Variants in CHLSN observed in about 807,000 individuals in gnomAD.
CHLSN encodes the protein protein cholesin.
the CHLSN span, chr7:1,026,239 CGTTT>C: frequency 6.6e-6 from 1 of 152,252 alleles, no homozygotes; most frequent in African/African-American, 2.4e-5. Context: ...CGACACTCCT[CGTTT>C]CTTTCGCTAC....
At chr7:1,072,028 G>C in the CHLSN span, among the ~76,000 whole-genome samples, 7 of 152,220 alleles carry the variant, frequency 4.6e-5, no homozygotes, top group Admixed American at 4.6e-4. Flanking sequence ...CCACACAGGG[G>C]AAGAGCGGGG....
At chr7:1,015,076 A>C in the CHLSN span, among the ~76,000 whole-genome samples, 1 of 152,170 alleles carries the variant, frequency 6.6e-6, no homozygotes, top group Non-Finnish European at 1.5e-5. Flanking sequence ...AACAGCCCAA[A>C]AGGACAGTGA....
At chr7:1,057,234 G>A in the CHLSN span, among the ~76,000 whole-genome samples, 2 of 152,114 alleles carry the variant, frequency 1.3e-5, no homozygotes, top group African/African-American at 4.8e-5. Flanking sequence ...CTGAGAATGT[G>A]GGGCACACCA....
the CHLSN span, chr7:1,043,941 C>G: frequency 6.6e-6 from 1 of 152,268 alleles, no homozygotes; most frequent in African/African-American, 2.4e-5. Flanking sequence ...GGGACTGTTT[C>G]ACCTCAAAAA....
the CHLSN span, chr7:1,086,918 C>A: frequency 6.6e-6 from 1 of 152,360 alleles, no homozygotes; most frequent in Non-Finnish European, 1.5e-5. Context: ...CGCTGAAGTT[C>A]CCTTCTGAGG....
chr7:1,093,534 C>T, the CHLSN span: 10 of 470,838 alleles, frequency 2.1e-5, no homozygotes, highest in East Asian at 1.4e-4. Context: ...CTCTGTGGAG[C>T]GCCCGCCGTC....
At chr7:1,035,480 AG>A in the CHLSN span, among the ~76,000 whole-genome samples, 1 of 152,292 alleles carries the variant, frequency 6.6e-6, no homozygotes, top group African/African-American at 2.4e-5. Flanking sequence ...GGATGTCCAC[AG>A]GAAAACAATA....
the CHLSN span, among the ~76,000 whole-genome samples, chr7:982,836 G>T: frequency 6.6e-6 from 1 of 152,170 alleles, no homozygotes; most frequent in Admixed American, 6.5e-5. Context: ...CCAGGGCCTC[G>T]GCCCCAAAGC....
chr7:1,028,831 C>T, the CHLSN span: 1 of 796,908 alleles, frequency 1.3e-6, no homozygotes, highest in Non-Finnish European at 1.5e-6. Flanking sequence ...CCATCTCCTC[C>T]AGTCTACCCC....
the CHLSN span, among the ~76,000 whole-genome samples, chr7:1,063,910 G>A: frequency 6.6e-6 from 1 of 152,206 alleles, no homozygotes. Flanking sequence ...ACACCACAGA[G>A]AAGTCAGAGC....
chr7:1,105,053 C>T, the CHLSN span, among the ~76,000 whole-genome samples: 1,985 of 152,290 alleles, frequency 0.013, 37 homozygotes, highest in African/African-American at 0.045. Context: ...CTCTTCTGCA[C>T]TCTCTATTTT....
chr7:1,064,861 G>A, the CHLSN span, among the ~76,000 whole-genome samples: 10 of 152,226 alleles, frequency 6.6e-5, no homozygotes, highest in African/African-American at 9.6e-5. Context: ...CACACTCAGG[G>A]CGCACAGAAG....
chr7:987,187 G>A, the CHLSN span: 14 of 1,557,060 alleles, frequency 9.0e-6, no homozygotes, highest in African/African-American at 4.1e-5. Context: ...GGACGGAGAC[G>A]ACCTCGGCCA....
the CHLSN span, among the ~76,000 whole-genome samples, chr7:1,114,933 T>C: frequency 6.6e-6 from 1 of 152,218 alleles, no homozygotes; most frequent in Non-Finnish European, 1.5e-5. Flanking sequence ...ATGGTCACTC[T>C]GCAGCCTTCC....
the CHLSN span, among the ~76,000 whole-genome samples, chr7:1,023,537 C>G: frequency 6.6e-6 from 1 of 151,660 alleles, no homozygotes; most frequent in African/African-American, 2.4e-5. This position sits in a 1 kb window ranked among gnomAD's most constrained non-coding sequence, Gnocchi z 5.0. Flanking sequence ...TCCTGCCCTA[C>G]TCCACATTTC....
At chr7:986,980 G>A in the CHLSN span, 1 of 1,359,380 alleles carries the variant, frequency 7.4e-7, no homozygotes, top group African/African-American at 1.5e-5. Context: ...CCTGCCTCGG[G>A]GACGCTGAGG....
At chr7:1,134,251 C>T in the CHLSN span, among the ~76,000 whole-genome samples, 258 of 149,960 alleles carry the variant, frequency 1.7e-3, 2 homozygotes, top group African/African-American at 5.7e-3. Context: ...CCAGCCTCGG[C>T]GACAGAGTGA....
At chr7:1,108,880 A>G in the CHLSN span, among the ~76,000 whole-genome samples, 1 of 148,802 alleles carries the variant, frequency 6.7e-6, no homozygotes, top group Non-Finnish European at 1.5e-5. Context: ...TTCGGCTGTG[A>G]TATTTCTCCC....
At chr7:1,021,381 G>A in the CHLSN span, 29 of 985,282 alleles carry the variant, frequency 2.9e-5, no homozygotes, top group Admixed American at 1.8e-4. Context: ...ATGATATTGC[G>A]GATTTCAGTG....
Sources: allele counts gnomAD v4.1 joint callset (sites outside exome capture counted in the v4.1 genomes callset), GRCh38; gene constraint gnomAD v4.1.1; non-coding constraint Gnocchi (gnomAD v3.1); transcripts MANE v1.5; gene names NCBI Gene and HGNC (gene_info 2026-07-23, HGNC 2026-07-21).